The following PIK3C2A variants were observed in gnomAD, a reference collection of about 807,000 sequenced individuals.
PIK3C2A encodes phosphatidylinositol-4-phosphate 3-kinase catalytic subunit type 2 alpha.
In PIK3C2A, 97 loss-of-function variants were observed where a neutral mutation model predicts 204.5. That is an observed-to-expected ratio of 0.47 (90% confidence interval 0.40 to 0.56). PIK3C2A has a LOEUF of 0.56. Among genes scored for constraint, PIK3C2A ranks in the 20% least tolerant of loss-of-function variants. PIK3C2A has a pLI of 0.00. For synonymous variants in PIK3C2A, 653 were observed against 664.4 expected, an observed-to-expected ratio of 0.98 and a Z score of 0.26; for missense variants, 1,735 against 1,969.2, an observed-to-expected ratio of 0.88 and a Z score of 2.25.
chr11:17,148,667 T>C lies in PIK3C2A; in HGVS notation c.1448A>G (p.Asn483Ser). ...KVCGQEEVLQ[N>S]NHCLGSHEHI... is the part of the protein sequence containing the mutation. ...TTGCTCAGTAGTTAAATAAACTTACTTCTGCAGCACTTCCTCTTGACCACA... is the reference window on the plus strand; with the variant it reads ...TTGCTCAGTAGTTAAATAAACTTACCTCTGCAGCACTTCCTCTTGACCACA... Residue 483 changes from asparagine to serine, a missense_variant and splice_region_variant, in exon 5 of 33, where the codon AAT becomes AGT. By Grantham distance (46) the Asn-to-Ser change is conservative (BLOSUM62 1). Transcript: ENST00000691414. 1.9e-6 allele frequency: 3 copies of C among 1,612,558 alleles called. No homozygotes were observed. Among genetic ancestry groups the C allele is most frequent in the Non-Finnish European group, 2.5e-6 (3 of 1,179,374 alleles).
At chr11:17,117,955 C>T (rs369291161) in intron 18 of PIK3C2A, among the ~76,000 whole-genome samples, 239 of 152,060 alleles carry the variant, frequency 1.6e-3, no homozygotes, top group Non-Finnish European at 2.2e-3. Flanking sequence ...CCTTGTGATC[C>T]GCCCACTTCG....
intron 8 of PIK3C2A, among the ~76,000 whole-genome samples, chr11:17,144,133 T>C (rs1398695122): frequency 6.6e-6 from 1 of 152,204 alleles, no homozygotes; most frequent in Non-Finnish European, 1.5e-5. Context: ...ATTTTATACT[T>C]TGTACTCTAT....
chr11:17,151,191 T>C (rs1029330119), intron 3 of PIK3C2A, among the ~76,000 whole-genome samples: 3 of 152,200 alleles, frequency 2.0e-5, no homozygotes, highest in African/African-American at 7.2e-5. Flanking sequence ...CTCAAAGTGA[T>C]TTCTAAAACT....
intron 9 of PIK3C2A, 22 bp from the exon 10 acceptor site, chr11:17,135,181 CAA>C (rs1313794044): frequency 3.7e-6 from 6 of 1,611,268 alleles, no homozygotes; most frequent in Non-Finnish European, 5.1e-6. Flanking sequence ...CACACACACA[CAA>C]TAGTCAGAAA....
intron 1 of PIK3C2A, among the ~76,000 whole-genome samples, chr11:17,202,234 C>G (rs1207713247): frequency 2.1e-5 from 3 of 139,666 alleles, no homozygotes; most frequent in Non-Finnish European, 4.6e-5. Flanking sequence ...CCAGCCTGGG[C>G]GACAAGAGTG....
intron 1 of PIK3C2A, among the ~76,000 whole-genome samples, chr11:17,187,900 T>A (rs540456281): frequency 5.5e-4 from 83 of 152,108 alleles, no homozygotes; most frequent in Non-Finnish European, 1.1e-3. Context: ...ATGACAAAAG[T>A]AAGAAACTAC....
intron 1 of PIK3C2A, among the ~76,000 whole-genome samples, chr11:17,174,114 C>T (rs1232340055): frequency 1.3e-5 from 2 of 151,922 alleles, no homozygotes; most frequent in Non-Finnish European, 2.9e-5. Context: ...GCGTGAACCA[C>T]CTCACCTGGC....
intron 9 of PIK3C2A, 86 bp downstream of exon 9, chr11:17,136,396 C>G: frequency 1.0e-6 from 1 of 991,780 alleles, no homozygotes; most frequent in East Asian, 2.5e-5. Context: ...GTTAAAATGA[C>G]AATATTTTGT....
intron 1 of PIK3C2A, among the ~76,000 whole-genome samples, chr11:17,177,922 G>A (rs1379191664): frequency 6.6e-6 from 1 of 151,820 alleles, no homozygotes. Flanking sequence ...GTGAAACCTT[G>A]TCTCTACTGA....
chr11:17,196,094 G>A (rs1852145018), intron 1 of PIK3C2A, among the ~76,000 whole-genome samples: 2 of 151,860 alleles, frequency 1.3e-5, no homozygotes, highest in African/African-American at 2.4e-5. Flanking sequence ...TCACATTGTG[G>A]ATTAAGAAAA....
At chr11:17,172,972 C>A (rs193160144) in intron 1 of PIK3C2A, among the ~76,000 whole-genome samples, 1 of 152,300 alleles carries the variant, frequency 6.6e-6, no homozygotes, top group Admixed American at 6.5e-5. Flanking sequence ...TCAAACTTCT[C>A]CAATGAGGGA....
chr11:17,172,687 A>G (rs749303752), intron 1 of PIK3C2A, among the ~76,000 whole-genome samples: 4 of 152,246 alleles, frequency 2.6e-5, no homozygotes, highest in African/African-American at 7.2e-5. Context: ...CTCAGGGAAC[A>G]AACGGTTTTC....
intron 23 of PIK3C2A, among the ~76,000 whole-genome samples, chr11:17,103,621 G>A (rs11024158): frequency 0.41 from 62,168 of 151,692 alleles, 13,193 homozygotes; most frequent in Non-Finnish European, 0.47. Context: ...GTGTATATGT[G>A]TGTGTGTGTG....
Position 17,097,136 on chromosome 11 carries a change from T to C in PIK3C2A, c.4247A>G (p.Tyr1416Cys), listed in dbSNP as rs369886156. 31 of 1,609,642 alleles carry C rather than the reference T, an allele frequency of 1.9e-5. No homozygotes were observed. In the African/African-American group the frequency reaches 2.5e-4, roughly 13 times the overall value. Residue 1416 changes from tyrosine to cysteine, a missense_variant, in exon 27 of 33, where the codon TAC (tyrosine) becomes TGC (cysteine). Physicochemically the swap from Tyr to Cys is radical, Grantham distance 194. Around this residue, in one of 6 missense-constraint regions of PIK3C2A, gnomAD observed 503 missense variants for 669.0 expected, o/e 0.75. Coordinates refer to ENST00000691414, the MANE Select transcript of PIK3C2A (RefSeq NM_002645.4). ...GATTCGACCATCTTGTCTAAAGGAG[T>C]ATGTTTTAGGTGAAAATGAAAGGAT... ...EPILSFSPKT[Y>C]SFRQDGRIKE...
intron 23 of PIK3C2A, 52 bp downstream of exon 23, chr11:17,105,117 C>G: frequency 1.4e-6 from 2 of 1,440,130 alleles, no homozygotes; most frequent in Non-Finnish European, 2.0e-6. Flanking sequence ...CTTAAAACCT[C>G]TGTAACACAT....
Position 17,150,575 on chromosome 11 carries a change from A to C in PIK3C2A, c.1250T>G (p.Ile417Arg). The change falls in exon 4 of 33, where the codon ATA becomes AGA. Residue 417 changes from isoleucine to arginine, a missense_variant. This residue lies in a region of PIK3C2A where 536 missense variants were observed against 546.7 expected (regional missense o/e 0.98). Coordinates refer to ENST00000691414, the MANE Select transcript of PIK3C2A (RefSeq NM_002645.4). ...CTTCACACTAGCATTTTCTCCGCAT[A>C]TGTTTCTTTGTGCTGTGACTGGACT... The part of the protein sequence containing the change: ...LLSPVTAQRN[I>R]CGENASVKVS... 1 of 1,612,338 alleles carries C rather than the reference A, an allele frequency of 6.2e-7. No individual in the cohort carries two copies. Among genetic ancestry groups the C allele is most frequent in the Non-Finnish European group, 8.5e-7 (1 of 1,179,078 alleles).
chr11:17,129,524 A>T, intron 12 of PIK3C2A, 57 bp from the exon 13 acceptor site: 1 of 1,101,044 alleles, frequency 9.1e-7, no homozygotes, highest in East Asian at 2.4e-5. Flanking sequence ...TTTGAAATTT[A>T]ACACTTTAAT....
rs113847218 is a variant in PIK3C2A at position 17,171,214 on chromosome 11, T to C, written c.-65-1408A>G. Reference sequence around the variant, plus strand: ...TATCAATCTAAATTAGTACACAAACTAAATGAAATAATACACATAAAAGTG... The same window carrying C: ...TATCAATCTAAATTAGTACACAAACCAAATGAAATAATACACATAAAAGTG... On this transcript the variant is annotated intron_variant, in intron 1 of 32. Transcript: ENST00000691414. Among the ~76,000 whole-genome samples the C allele has an allele frequency of 2.1e-3, 317 of 152,324 alleles. 1 individual carries two copies. Among genetic ancestry groups the C allele is most frequent in the African/African-American group, 7.3e-3 (302 of 41,566 alleles).
rs371289878 is a variant in PIK3C2A, at chr11:17,101,457, C to T, written c.3852-23G>A. 2.8e-6 allele frequency: 4 copies of T among 1,407,988 alleles called. No individual in the cohort carries two copies. The African/African-American group carries it at 5.7e-5, about 20-fold the overall frequency. 87.2% of individuals were successfully genotyped at this position (1,407,988 alleles called of 1,614,324 possible). On this transcript the variant is annotated intron_variant, in intron 24 of 32. Coordinates refer to ENST00000691414, the MANE Select transcript of PIK3C2A (RefSeq NM_002645.4). ...TCCCTATTTAAAATGAAAGTACATA[C>T]AAAATATTATTTACAGAAGATACTC... is the stretch of plus-strand genomic sequence containing the variant.
Sources: gnomAD v4.1 joint callset for allele counts (sites outside exome capture counted in the v4.1 genomes callset) on GRCh38, gnomAD v4.1.1 for gene constraint, gnomAD v4.1.1 regional missense constraint, MANE v1.5 for transcripts, NCBI Gene and HGNC (gene_info 2026-07-23, HGNC 2026-07-21) for gene names.